Variants in NRSN2 observed in about 807,000 individuals in gnomAD.
The protein encoded by NRSN2 is neurensin 2.
In NRSN2, 10 loss-of-function variants were observed where a neutral mutation model predicts 11.1. The observed-to-expected ratio is 0.90, with a 90% CI of 0.56 to 1.53. The LOEUF is 1.53. Among genes scored for constraint, NRSN2 ranks in the 40% most tolerant of loss-of-function variants. The probability of loss-of-function intolerance (pLI) is 0.00; values close to 1 mark genes in which losing one functional copy is unlikely to be tolerated. For missense variants in NRSN2, 260 were observed against 273.7 expected, an observed-to-expected ratio of 0.95 and a Z score of 0.35; for synonymous variants, 100 against 117.0, an observed-to-expected ratio of 0.86 and a Z score of 0.94.
Position 353,576 on chromosome 20 carries a change from C to A in NRSN2, c.556C>A (p.Pro186Thr). 1 of 1,614,204 alleles carries A rather than the reference C, an allele frequency of 6.2e-7. No individual in the cohort carries two copies. Among genetic ancestry groups the A allele is most frequent in the Non-Finnish European group, 8.5e-7 (1 of 1,180,040 alleles). ...NASGQSWFSP[P>T]ASPFGQSSVQ... ...CAGTGGCCAGTCATGGTTCTCGCCA[C>A]CCGCCAGCCCCTTTGGGCAATCTTC... Residue 186 changes from proline (P) to threonine (T), a missense_variant, in exon 5 of 5, where the codon CCC (proline) becomes ACC (threonine). Coordinates refer to ENST00000382285, the MANE Select transcript of NRSN2 (RefSeq NM_001323682.2).
At chr20:348,310 T>G (rs1476194644) in intron 2 of NRSN2, 3 of 152,746 alleles carry the variant, frequency 2.0e-5, no homozygotes, top group African/African-American at 7.2e-5. Flanking sequence ...GCTTTCAGTC[T>G]CTGCCTTTTC....
At chr20:348,633 G>C (rs1416035687) in intron 2 of NRSN2, among the ~76,000 whole-genome samples, 2 of 151,600 alleles carry the variant, frequency 1.3e-5, no homozygotes, top group Non-Finnish European at 2.9e-5. Context: ...GACCACATCT[G>C]ATTGGAAGTG....
chr20:354,023 C>A lies in NRSN2; in HGVS notation c.*388C>A. The A allele has an allele frequency of 4.0e-6, 1 of 248,886 alleles. No individual in the cohort carries two copies. The highest frequency in any genetic ancestry group is 5.8e-5 in the South Asian group (1 of 17,262). 15.4% of individuals were successfully genotyped at this position (248,886 alleles called of 1,614,324 possible). A position where few individuals can be genotyped will look rare whatever the true frequency, so the allele number is the denominator to read the frequency against. On this transcript the variant is annotated 3_prime_UTR_variant, in exon 5 of 5. Coordinates refer to ENST00000382285, the MANE Select transcript of NRSN2 (RefSeq NM_001323682.2). ...ATTCCTCTTCTCGCCAGGATGAGGA[C>A]ACGCACTGCCCTCCATAGACACAGA... is the stretch of plus-strand genomic sequence containing the variant.
rs772709164 is a variant in NRSN2 at position 353,327 on chromosome 20, C to T, written c.307C>T (p.Gln103Ter). The T allele has an allele frequency of 1.9e-6, 3 of 1,614,100 alleles. No homozygotes were observed. Among genetic ancestry groups the T allele is most frequent in the South Asian group, 2.2e-5 (2 of 91,082 alleles). Residue 103 changes from glutamine to a stop codon, truncating the protein, a stop_gained, in exon 5 of 5, where the codon CAG becomes TAG. Transcript: ENST00000382285. LOFTEE classifies it high-confidence loss of function. ...TGAGGGTGAGTTCCTGGTGTTGGAT[C>T]AGCGGGCAGCCGACTACAACCAGGC... The part of the protein sequence containing the change: ...IGEGEFLVLD[Q>*]RAADYNQALG...
In NRSN2 at chr20:353,926, A is replaced by G. The variant is rs1021721886; in HGVS notation, c.*291A>G. The G allele has an allele frequency of 1.5e-5, 7 of 458,422 alleles. No individual in the cohort carries two copies. The highest frequency in any genetic ancestry group is 2.3e-5 in the Non-Finnish European group (6 of 256,394). 28.4% of individuals were successfully genotyped at this position (458,422 alleles called of 1,614,324 possible). A position where few individuals can be genotyped will look rare whatever the true frequency, so the allele number is the denominator to read the frequency against. ...AACCCGTCCCCACTCCTTCCTCTGC[A>G]TGACCTTGGGCAAACCCTTGCCCTT... On this transcript the variant is annotated 3_prime_UTR_variant, in exon 5 of 5. Transcript: ENST00000382285.
intron 4 of NRSN2, 79 bp downstream of exon 4, chr20:349,911 A>G (rs1365758239): frequency 2.1e-6 from 3 of 1,409,800 alleles, no homozygotes; most frequent in Non-Finnish European, 2.9e-6. Context: ...TCAGAGGAAA[A>G]AAGAAGAGAT....
At chr20:350,372 G>T (rs934584723) in intron 4 of NRSN2, among the ~76,000 whole-genome samples, 1 of 150,664 alleles carries the variant, frequency 6.6e-6, no homozygotes. Flanking sequence ...CCGGCTACTC[G>T]GGAGGCTGAG....
In NRSN2 at chr20:353,243, C is replaced by G; in HGVS notation, c.223C>G (p.Leu75Val). 1 of 1,614,056 alleles carries G rather than the reference C, an allele frequency of 6.2e-7. No homozygotes were observed. Among genetic ancestry groups the G allele is most frequent in the Non-Finnish European group, 8.5e-7 (1 of 1,180,012 alleles). ...SLSSGTLLLL[L>V]GVAALTTGYA... Reference sequence around the variant, plus strand: ...GTCCTCGGGGACCCTGCTTCTGCTGCTGGGTGTGGCGGCTCTGACCACTGG... The same window carrying G: ...GTCCTCGGGGACCCTGCTTCTGCTGGTGGGTGTGGCGGCTCTGACCACTGG... The change falls in exon 5 of 5, where the codon CTG becomes GTG. Residue 75 changes from leucine (L) to valine (V), a missense_variant. Leu to Val is a conservative substitution (Grantham distance 32). Transcript: ENST00000382285.
intron 4 of NRSN2, 152 bp downstream of exon 4, chr20:349,984 AT>A: frequency 1.7e-6 from 1 of 573,628 alleles, no homozygotes; most frequent in Non-Finnish European, 2.9e-6. Flanking sequence ...ATGGGTTTAA[AT>A]AATGAAGGGA....
At chr20:348,853 GA>G (rs113478639) in intron 2 of NRSN2, among the ~76,000 whole-genome samples, 2,069 of 139,332 alleles carry the variant, frequency 0.015, 28 homozygotes, top group African/African-American at 0.035. Flanking sequence ...CACTTTTGTG[GA>G]AAAAAAAAAA....
At position 347,118 on chromosome 20, in the gene NRSN2, C is replaced by G. The variant is rs1216292919; in HGVS notation, c.-225C>G. 6.6e-6 allele frequency: 1 copy of G among 152,244 alleles called. No individual in the cohort carries two copies. Among genetic ancestry groups the G allele is most frequent in the African/African-American group, 2.4e-5 (1 of 41,426 alleles). 9.4% of individuals were successfully genotyped at this position (152,244 alleles called of 1,614,324 possible). ...CAGGCGCGAACCGGACCCGCCTTTG[C>G]TCGGCGGAGACAGCAGGCAGAGAGG... On this transcript the variant is annotated 5_prime_UTR_variant, in exon 1 of 5. Coordinates refer to ENST00000382285, the MANE Select transcript of NRSN2 (RefSeq NM_001323682.2). The surrounding 1 kb of genome is among the most constrained non-coding windows in gnomAD (Gnocchi z 7.0).
In NRSN2 at chr20:347,970, A is replaced by C. The variant is rs950970838; in HGVS notation, c.-122+458A>C. The C allele has an allele frequency of 6.6e-6, 1 of 152,536 alleles. No individual in the cohort carries two copies. Among genetic ancestry groups the C allele is most frequent in the African/African-American group, 2.4e-5 (1 of 41,384 alleles). The allele number at this position is 152,536 out of a possible 1,614,324, so 9.4% of individuals were successfully genotyped here. A position where few individuals can be genotyped will look rare whatever the true frequency, so the allele number is the denominator to read the frequency against. ...CCAGGCCGAGCGGGAGGCAGCGTCA[A>C]GGTCACCTTCCCTCTCCAGTAGCAG... is the stretch of plus-strand genomic sequence containing the variant. On this transcript the variant is annotated intron_variant, in intron 2 of 4. Coordinates refer to ENST00000382285, the MANE Select transcript of NRSN2 (RefSeq NM_001323682.2). This position sits in a 1 kb window ranked among gnomAD's most constrained non-coding sequence, Gnocchi z 7.0.
chr20:353,040 C>G (rs955589402), intron 4 of NRSN2, among the ~76,000 whole-genome samples, 170 bp from the exon 5 acceptor site: 4 of 152,108 alleles, frequency 2.6e-5, no homozygotes, highest in African/African-American at 9.7e-5. Context: ...TAAAACATGA[C>G]AGTTTATGCC....
At position 353,367 on chromosome 20, in the gene NRSN2, G is replaced by A. The variant is rs747053562; in HGVS notation, c.347G>A (p.Arg116His). The A allele has an allele frequency of 5.0e-6, 8 of 1,613,908 alleles. No individual in the cohort carries two copies. Among genetic ancestry groups the A allele is most frequent in the East Asian group, 4.5e-5 (2 of 44,860 alleles). Residue 116 changes from arginine (R) to histidine (H), a missense_variant, in exon 5 of 5, where the codon CGC becomes CAC. Arg to His is a conservative substitution (Grantham distance 29). Coordinates refer to ENST00000382285, the MANE Select transcript of NRSN2 (RefSeq NM_001323682.2). ...ADYNQALGTC[R>H]LAGTALCVAA... ...TACAACCAGGCCCTGGGCACCTGTC[G>A]CCTGGCAGGCACAGCGCTCTGTGTG...
intron 3 of NRSN2, 78 bp from the exon 4 acceptor site, chr20:349,560 T>A: frequency 8.2e-7 from 1 of 1,221,076 alleles, no homozygotes; most frequent in East Asian, 2.4e-5. Flanking sequence ...CACAAAGATT[T>A]AGGGGGCTTA....
In NRSN2 at chr20:354,820, C is replaced by G. The variant is rs1239348554; in HGVS notation, c.*1185C>G. ...CTCACGCCCCCTCCTCATCCTGCAC[C>G]CCTTCCATCCCACCTTCCCTTTCAA... On this transcript the variant is annotated 3_prime_UTR_variant, in exon 5 of 5. Transcript: ENST00000382285. The G allele has an allele frequency of 6.6e-6, 1 of 152,246 alleles. No homozygotes were observed. The highest frequency in any genetic ancestry group is 6.5e-5 in the Admixed American group (1 of 15,290). 9.4% of individuals were successfully genotyped at this position (152,246 alleles called of 1,614,324 possible). A position where few individuals can be genotyped will look rare whatever the true frequency, so the allele number is the denominator to read the frequency against.
intron 4 of NRSN2, 127 bp from the exon 5 acceptor site, chr20:353,083 G>T: frequency 1.2e-6 from 1 of 806,322 alleles, no homozygotes; most frequent in Non-Finnish European, 2.0e-6. Flanking sequence ...AGTGTGTTCT[G>T]TGATTCCCAT....
chr20:353,147 A>G, intron 4 of NRSN2, 63 bp from the exon 5 acceptor site: 3 of 1,480,732 alleles, frequency 2.0e-6, no homozygotes, highest in South Asian at 1.2e-5. Context: ...ATCCAAGGTG[A>G]TCCCTTGGCC....
In NRSN2 at chr20:353,509, G is replaced by T. The variant is rs2014158627; in HGVS notation, c.489G>T (p.Gly163=). The change falls in exon 5 of 5, where the codon GGG becomes GGT. Residue 163 remains glycine, a synonymous_variant. Coordinates refer to ENST00000382285, the MANE Select transcript of NRSN2 (RefSeq NM_001323682.2). The part of the protein sequence containing the change: ...PEADSHVEVF[G]DEPEQQLSPI... ...CCGACAGCCACGTGGAGGTCTTCGG[G>T]GATGAGCCAGAGCAGCAGTTGTCAC... The T allele has an allele frequency of 6.2e-7, 1 of 1,614,076 alleles. No individual in the cohort carries two copies. The highest frequency in any genetic ancestry group is 1.3e-5 in the African/African-American group (1 of 74,934).
Sources: gnomAD v4.1 joint callset for allele counts (sites outside exome capture counted in the v4.1 genomes callset) on GRCh38, gnomAD v4.1.1 for gene constraint, Gnocchi (gnomAD v3.1) non-coding constraint, MANE v1.5 for transcripts, NCBI Gene and HGNC (gene_info 2026-07-23, HGNC 2026-07-21) for gene names.